AGAP9: variants seen among roughly 807,000 people sequenced by gnomAD.
The protein encoded by AGAP9 is arf-GAP with GTPase, ANK repeat and PH domain-containing protein 9.
In AGAP9, 23 loss-of-function variants were observed where a neutral mutation model predicts 55.6. That is an observed-to-expected ratio of 0.41 (90% CI 0.30 to 0.59). AGAP9 has a LOEUF of 0.59. AGAP9 is among the 20% of genes least tolerant of loss of function. AGAP9 has a pLI of 0.25. For missense variants in AGAP9, 309 were observed against 808.1 expected (o/e 0.38, Z 7.49); for synonymous variants, 120 against 305.0 (o/e 0.39, Z 6.32).
chr10:47,521,804 G>A (rs1462286155), intron 2 of AGAP9, among the ~76,000 whole-genome samples: 2 of 151,004 alleles, frequency 1.3e-5, no homozygotes, highest in Admixed American at 6.6e-5. Flanking sequence ...TTTGTGAGAC[G>A]GAGTCTCGCT....
At chr10:47,509,975 C>A (rs1840569672) in intron 5 of AGAP9, among the ~76,000 whole-genome samples, 196 bp downstream of exon 5, 1 of 142,352 alleles carries the variant, frequency 7.0e-6, no homozygotes, top group African/African-American at 2.6e-5. Flanking sequence ...TCTGGGTTTG[C>A]TTCTTTGCTA....
At chr10:47,515,951 A>G (rs1193707192) in intron 4 of AGAP9, among the ~76,000 whole-genome samples, 2 of 129,068 alleles carry the variant, frequency 1.5e-5, no homozygotes, top group Admixed American at 1.6e-4. Flanking sequence ...GATCAAAACA[A>G]TAGAAAAAAG....
At chr10:47,510,931 AATTAATTT>A (rs1436382978) in intron 4 of AGAP9, among the ~76,000 whole-genome samples, 2 of 129,850 alleles carry the variant, frequency 1.5e-5, no homozygotes, top group African/African-American at 2.9e-5. Flanking sequence ...TTAATTAATT[AATTAATTT>A]ATTTATTTAT....
rs1276558123 is a variant in AGAP9 at position 47,522,030 on chromosome 10, G to A, written c.292+836C>T. On this transcript the variant is annotated intron_variant, in intron 2 of 7. Transcript: ENST00000452145. ...TCGAACTCCTGACCTCAGGTGATCC[G>A]CCTGCCACAGCCTCCCAAAGTGCTG... Among the ~76,000 whole-genome samples the A allele has an allele frequency of 2.7e-5, 4 of 150,434 alleles. 1 individual carries two copies. Among genetic ancestry groups the A allele is most frequent in the South Asian group, 2.1e-4 (1 of 4,786 alleles).
chr10:47,514,023 A>G (rs1374084776), intron 4 of AGAP9, among the ~76,000 whole-genome samples: 2 of 141,108 alleles, frequency 1.4e-5, no homozygotes, highest in Non-Finnish European at 3.1e-5. Flanking sequence ...CAACAGAAAC[A>G]AATAGGTGAG....
At chr10:47,519,493 G>T (rs1314109415) in intron 3 of AGAP9, among the ~76,000 whole-genome samples, 2 of 122,962 alleles carry the variant, frequency 1.6e-5, no homozygotes, top group Non-Finnish European at 3.4e-5. Context: ...AAAGAGTGTG[G>T]TACCTTCCCC....
chr10:47,510,089 T>A, intron 5 of AGAP9, 82 bp downstream of exon 5: 1 of 1,461,060 alleles, frequency 6.8e-7, no homozygotes, highest in East Asian at 3.2e-5. Context: ...TTTCTTAAGC[T>A]GATTGCTGAA....
intron 4 of AGAP9, among the ~76,000 whole-genome samples, chr10:47,515,828 C>T (rs1469456780): frequency 1.7e-5 from 2 of 119,334 alleles, no homozygotes; most frequent in African/African-American, 6.3e-5. Context: ...AAATGAAAAG[C>T]TAGTCAGGCT....
Position 47,522,230 on chromosome 10 carries a change from T to C in AGAP9, c.292+636A>G, listed in dbSNP as rs1398721030. 7.7e-4 allele frequency among the ~76,000 whole-genome samples: 110 copies of C among 142,400 alleles called. 14 individuals are homozygous for C. Among genetic ancestry groups the C allele is most frequent in the African/African-American group, 2.7e-3 (103 of 38,280 alleles). 93.4% of individuals were successfully genotyped at this position (142,400 alleles called of 152,430 possible). Reference sequence around the variant, plus strand: ...TTATATTACACATTAAAAGTCTACGTTGACGTTTCATGTCTTTTGAAAGTT... The same window carrying C: ...TTATATTACACATTAAAAGTCTACGCTGACGTTTCATGTCTTTTGAAAGTT... On this transcript the variant is annotated intron_variant, in intron 2 of 7. Coordinates refer to ENST00000452145, the MANE Select transcript of AGAP9 (RefSeq NM_001190810.1).
At position 47,510,686 on chromosome 10, in the gene AGAP9, C is replaced by T. The variant is rs1314125185; in HGVS notation, c.397-415G>A. On this transcript the variant is annotated intron_variant, in intron 4 of 7. Coordinates refer to ENST00000452145, the MANE Select transcript of AGAP9 (RefSeq NM_001190810.1). ...TCTACTAAAAATACAAAAAATTAGC[C>T]GGGCGTGGTAGCAGGCCCCTGTAGT... 4.9e-3 allele frequency among the ~76,000 whole-genome samples: 554 copies of T among 113,082 alleles called. 45 individuals carry two copies. Among genetic ancestry groups the T allele is most frequent in the East Asian group, 0.036 (82 of 2,248 alleles). 74.2% of individuals were successfully genotyped at this position (113,082 alleles called of 152,430 possible).
At chr10:47,521,735 C>T (rs1840843373) in intron 2 of AGAP9, among the ~76,000 whole-genome samples, 1 of 151,160 alleles carries the variant, frequency 6.6e-6, no homozygotes, top group South Asian at 2.1e-4. Context: ...TACCGGCTCC[C>T]ATCCCCTGCC....
chr10:47,519,440 T>C (rs1436709624), intron 3 of AGAP9, among the ~76,000 whole-genome samples: 27 of 117,474 alleles, frequency 2.3e-4, no homozygotes, highest in African/African-American at 6.0e-4. Flanking sequence ...TGCACTCCAG[T>C]CTGGGCAACA....
intron 4 of AGAP9, among the ~76,000 whole-genome samples, chr10:47,511,449 G>A (rs1234577462): frequency 3.1e-5 from 4 of 130,924 alleles, no homozygotes; most frequent in South Asian, 5.1e-4. Context: ...AAGTGAGGAA[G>A]CCATAGGTTT....
At chr10:47,521,729 G>A (rs1363262651) in intron 2 of AGAP9, among the ~76,000 whole-genome samples, 51 of 150,598 alleles carry the variant, frequency 3.4e-4, no homozygotes, top group African/African-American at 9.8e-4. Context: ...GTTTTCTACC[G>A]GCTCCCATCC....
chr10:47,521,146 C>T, intron 2 of AGAP9, among the ~76,000 whole-genome samples: 1 of 122,180 alleles, frequency 8.2e-6, no homozygotes, highest in African/African-American at 3.5e-5. Flanking sequence ...CATACACAGG[C>T]CTTATTTGTA....
At chr10:47,519,088 A>C (rs74772594) in intron 3 of AGAP9, among the ~76,000 whole-genome samples, 3 of 136,008 alleles carry the variant, frequency 2.2e-5, no homozygotes, top group Non-Finnish European at 4.6e-5. Context: ...AGTGGGAGGC[A>C]TTTGGGTAAT....
At chr10:47,520,859 A>AAAG (rs1462337617) in intron 2 of AGAP9, among the ~76,000 whole-genome samples, 1 of 129,384 alleles carries the variant, frequency 7.7e-6, no homozygotes, top group African/African-American at 3.4e-5. Context: ...AAAAAAAAAA[A>AAAG]AAGAAGAAGA....
At chr10:47,520,838 TAAAA>T (rs1233034365) in intron 2 of AGAP9, among the ~76,000 whole-genome samples, 3 of 89,352 alleles carry the variant, frequency 3.4e-5, no homozygotes, top group East Asian at 9.1e-4. Flanking sequence ...CTCCTTTATT[TAAAA>T]AAAAAAAAAA....
intron 4 of AGAP9, among the ~76,000 whole-genome samples, 152 bp from the exon 5 acceptor site, chr10:47,510,423 C>T (rs1286508395): frequency 1.4e-5 from 2 of 141,132 alleles, no homozygotes; most frequent in Non-Finnish European, 3.1e-5. Flanking sequence ...CCATTGGAGG[C>T]TCTCAACTTC....
Sources: allele counts gnomAD v4.1 joint callset (sites outside exome capture counted in the v4.1 genomes callset), GRCh38; gene constraint gnomAD v4.1.1; transcripts MANE v1.5; gene names NCBI Gene and HGNC (gene_info 2026-07-23, HGNC 2026-07-21).